The following MRPL28 variants were observed in gnomAD, a reference collection of about 807,000 sequenced individuals.
MRPL28 encodes mitochondrial ribosomal protein L28.
MRPL28 carries 25 observed loss-of-function variants against 26.2 expected under a neutral mutation model. The observed-to-expected ratio is 0.95, with a 90% CI of 0.69 to 1.33. The LOEUF (loss-of-function observed/expected upper bound fraction) is 1.33, where lower values mean the gene tolerates loss of function less well. Ranked by LOEUF, MRPL28 falls within the 40% of genes most tolerant of loss-of-function variation. The probability of loss-of-function intolerance (pLI) is 0.00; values close to 1 mark genes in which losing one functional copy is unlikely to be tolerated. For missense variants in MRPL28, 432 were observed against 327.2 expected, an observed-to-expected ratio of 1.32 and a Z score of -2.47; for synonymous variants, 227 against 140.1, an observed-to-expected ratio of 1.62 and a Z score of -4.38.
In MRPL28 at chr16:367,580, G is replaced by A. The variant is rs918392555; in HGVS notation, c.*95C>T. 1.8e-6 allele frequency: 2 copies of A among 1,108,552 alleles called. No individual in the cohort carries two copies. The highest frequency in any genetic ancestry group is 2.7e-6 in the Non-Finnish European group (2 of 741,798). 68.7% of individuals were successfully genotyped at this position (1,108,552 alleles called of 1,614,324 possible). ...ACCAGGATCCACCCACTGCCCACCGGTGGCCCTCACAGCTCCCCGGGATCT... is the reference window on the plus strand; with the variant it reads ...ACCAGGATCCACCCACTGCCCACCGATGGCCCTCACAGCTCCCCGGGATCT... On this transcript the variant is annotated 3_prime_UTR_variant, in exon 6 of 6. Transcript: ENST00000199706.
intron 5 of MRPL28, among the ~76,000 whole-genome samples, chr16:368,006 G>A (rs2054276369): frequency 6.6e-6 from 1 of 152,216 alleles, no homozygotes; most frequent in Admixed American, 6.5e-5. Flanking sequence ...AGGGAATAGG[G>A]GCAGCCAGCT....
chr16:367,370 C>T lies in MRPL28; in HGVS notation c.*305G>A, dbSNP rs769211766. 6 of 665,252 alleles carry T rather than the reference C, an allele frequency of 9.0e-6. No individual in the cohort carries two copies. Among genetic ancestry groups the T allele is most frequent in the Non-Finnish European group, 1.4e-5 (5 of 354,234 alleles). 41.2% of individuals were successfully genotyped at this position (665,252 alleles called of 1,614,324 possible). ...CAGGATCCCCAAAGAGAACACCAGT[C>T]CTCAAAGCAAAGATACACACACACA... On this transcript the variant is annotated 3_prime_UTR_variant, in exon 6 of 6. Coordinates refer to ENST00000199706, the MANE Select transcript of MRPL28 (RefSeq NM_006428.5).
In MRPL28 at chr16:369,612, T is replaced by A. The variant is rs969712762; in HGVS notation, c.288+319A>T. 8.4e-6 allele frequency: 6 copies of A among 716,822 alleles called. No individual in the cohort carries two copies. In the Admixed American group the frequency reaches 1.2e-4, roughly 14 times the overall value. The allele number at this position is 716,822 out of a possible 1,614,324, so 44.4% of individuals were successfully genotyped here. On this transcript the variant is annotated intron_variant, in intron 2 of 5. Coordinates refer to ENST00000199706, the MANE Select transcript of MRPL28 (RefSeq NM_006428.5). The stretch of plus-strand genomic sequence containing the variant: ...AAGCAGCCTCGAAGCTCTGCTCGCC[T>A]CCCCCACCTGCTCTGCTCGCCTCTC...
chr16:369,267 A>G (rs200810702), intron 2 of MRPL28, 47 bp from the exon 3 acceptor site: 4 of 1,478,282 alleles, frequency 2.7e-6, no homozygotes, highest in Non-Finnish European at 2.7e-6. Context: ...TTTCTCTTAC[A>G]TACCAAGGGG....
chr16:370,191 G>C lies in MRPL28; in HGVS notation c.28C>G (p.Leu10Val), dbSNP rs1216552183. The C allele has an allele frequency of 2.5e-6, 4 of 1,597,954 alleles. No homozygotes were observed. Among genetic ancestry groups the C allele is most frequent in the East Asian group, 2.2e-5 (1 of 44,540 alleles). Residue 10 changes from leucine (L) to valine (V), a missense_variant, in exon 2 of 6, where the codon CTC becomes GTC. By Grantham distance (32) the Leu-to-Val change is conservative (BLOSUM62 1). Coordinates refer to ENST00000199706, the MANE Select transcript of MRPL28 (RefSeq NM_006428.5). MPLHKYPVW[L>V]WKRLQLREGI... ...TCCCGCAGCTGCAGCCGCTTCCAGA[G>C]CCACACGGGATACTTGTGTAGAGGC...
rs1421417693 is a variant in MRPL28, at chr16:367,492, A to G, written c.*183T>C. On this transcript the variant is annotated 3_prime_UTR_variant, in exon 6 of 6. Transcript: ENST00000199706. ...CCTGAGAGGAGCCTCTGGGCGGCCC[A>G]GGCCTCCTGGGGATCCCTGCCAAGC... 2.8e-6 allele frequency: 2 copies of G among 722,872 alleles called. No homozygotes were observed. The highest frequency in any genetic ancestry group is 4.1e-5 in the Admixed American group (2 of 49,200). The allele number at this position is 722,872 out of a possible 1,614,324, so 44.8% of individuals were successfully genotyped here. A position where few individuals can be genotyped will look rare whatever the true frequency, so the allele number is the denominator to read the frequency against.
Position 370,139 on chromosome 16 carries a change from T to C in MRPL28, c.80A>G (p.His27Arg), listed in dbSNP as rs1028862896. The change falls in exon 2 of 6, where the codon CAC becomes CGC. Residue 27 changes from histidine (H) to arginine (R), a missense_variant. His to Arg is a conservative substitution (Grantham distance 29). Coordinates refer to ENST00000199706, the MANE Select transcript of MRPL28 (RefSeq NM_006428.5). The stretch of plus-strand genomic sequence containing the variant: ...CTCCTCCTCCAGGGAGCGCAGGTAG[T>C]GGCCGGGCAGGCGGGAACAGATGCC... ...REGICSRLPG[H>R]YLRSLEEERT... The C allele has an allele frequency of 6.2e-7, 1 of 1,605,832 alleles. No homozygotes were observed. The highest frequency in any genetic ancestry group is 1.3e-5 in the African/African-American group (1 of 74,684).
chr16:367,551 C>A lies in MRPL28; in HGVS notation c.*124G>T. 1 of 902,258 alleles carries A rather than the reference C, an allele frequency of 1.1e-6. No individual in the cohort carries two copies. The highest frequency in any genetic ancestry group is 1.8e-6 in the Non-Finnish European group (1 of 562,694). 55.9% of individuals were successfully genotyped at this position (902,258 alleles called of 1,614,324 possible). ...GGCTGGAAGGTGCATGGGCAGCACA[C>A]GAAACCAGGATCCACCCACTGCCCA... On this transcript the variant is annotated 3_prime_UTR_variant, in exon 6 of 6. Transcript: ENST00000199706.
rs1011831587 is a variant in MRPL28 at position 367,153 on chromosome 16, C to G, written c.*522G>C. On this transcript the variant is annotated 3_prime_UTR_variant, in exon 6 of 6. Coordinates refer to ENST00000199706, the MANE Select transcript of MRPL28 (RefSeq NM_006428.5). ...TCTGGAGGTGGAGGTTGTAGTGAGT[C>G]CAGATCGTGCCACTGCACTCCAGCC... Among the ~76,000 whole-genome samples the G allele has an allele frequency of 1.3e-5, 2 of 152,154 alleles. No individual in the cohort carries two copies. The highest frequency in any genetic ancestry group is 4.1e-4 in the South Asian group (2 of 4,828).
At chr16:368,182 TGGGTGG>T in intron 5 of MRPL28, 140 bp downstream of exon 5, 1 of 936,704 alleles carries the variant, frequency 1.1e-6, no homozygotes, top group Non-Finnish European at 1.6e-6. Flanking sequence ...CATGCTCCTC[TGGGTGG>T]GCAATGCAGA....
chr16:368,853 G>C, intron 3 of MRPL28: 1 of 979,478 alleles, frequency 1.0e-6, no homozygotes, highest in Non-Finnish European at 1.5e-6. Flanking sequence ...CAGGCCCCAC[G>C]GGCAAGTCAG....
Position 370,189 on chromosome 16 carries a change from G to C in MRPL28, c.30C>G (p.Leu10=), listed in dbSNP as rs533493367. The change falls in exon 2 of 6, where the codon CTC becomes CTG. Residue 10 remains leucine (L), a synonymous_variant. Transcript: ENST00000199706. MPLHKYPVW[L]WKRLQLREGI... ...CCTCCCGCAGCTGCAGCCGCTTCCAGAGCCACACGGGATACTTGTGTAGAG... is the reference window on the plus strand; with the variant it reads ...CCTCCCGCAGCTGCAGCCGCTTCCACAGCCACACGGGATACTTGTGTAGAG... The C allele has an allele frequency of 9.4e-6, 15 of 1,598,078 alleles. No homozygotes were observed. Among genetic ancestry groups the C allele is most frequent in the Non-Finnish European group, 1.2e-5 (14 of 1,176,890 alleles).
chr16:369,402 C>T (rs1440209793), intron 2 of MRPL28, 182 bp from the exon 3 acceptor site: 2 of 717,302 alleles, frequency 2.8e-6, no homozygotes, highest in African/African-American at 1.8e-5. Context: ...CGACCCGGGT[C>T]CTGACTGTGT....
rs1280283075 is a variant in MRPL28 at position 367,688 on chromosome 16, G to A, written c.758C>T (p.Ala253Val). 1 of 1,613,590 alleles carries A rather than the reference G, an allele frequency of 6.2e-7. No homozygotes were observed. The highest frequency in any genetic ancestry group is 2.2e-5 in the East Asian group (1 of 44,892). ...LSEPAVVQKR[A>V]SGQ ...GGAGCTGTGTGGTCACTGGCCACTG[G>A]CTCTCTTCTGCACCACCGCCGGCTC... Residue 253 changes from alanine (A) to valine (V), a missense_variant, in exon 6 of 6, where the codon GCC (alanine) becomes GTC (valine). Coordinates refer to ENST00000199706, the MANE Select transcript of MRPL28 (RefSeq NM_006428.5).
Position 369,090 on chromosome 16 carries a change from C to G in MRPL28, c.419G>C (p.Gly140Ala). 1 of 1,613,874 alleles carries G rather than the reference C, an allele frequency of 6.2e-7. No individual in the cohort carries two copies. The highest frequency in any genetic ancestry group is 8.5e-7 in the Non-Finnish European group (1 of 1,179,930). Residue 140 changes from glycine (G) to alanine (A), a missense_variant, in exon 3 of 6, where the codon GGG (glycine) becomes GCG (alanine). Physicochemically the swap from Gly to Ala is moderately conservative, Grantham distance 60. Transcript: ENST00000199706. ...TGCCTTGAGGATGTAAAAGTCGAGC[C>G]CATAAGCCTCATCGATGAGGTCCAG... ...RTLDLIDEAY[G>A]LDFYILKTPK...
At position 367,362 on chromosome 16, in the gene MRPL28, A is replaced by G; in HGVS notation, c.*313T>C. 1.5e-6 allele frequency: 1 copy of G among 655,274 alleles called. No homozygotes were observed. The highest frequency in any genetic ancestry group is 2.9e-6 in the Non-Finnish European group (1 of 348,674). 40.6% of individuals were successfully genotyped at this position (655,274 alleles called of 1,614,324 possible). A position where few individuals can be genotyped will look rare whatever the true frequency, so the allele number is the denominator to read the frequency against. ...GACAGGATCAGGATCCCCAAAGAGAACACCAGTCCTCAAAGCAAAGATACA... is the reference window on the plus strand; with the variant it reads ...GACAGGATCAGGATCCCCAAAGAGAGCACCAGTCCTCAAAGCAAAGATACA... On this transcript the variant is annotated 3_prime_UTR_variant, in exon 6 of 6. Transcript: ENST00000199706.
Position 370,076 on chromosome 16 carries a change from GC to G in MRPL28, c.142del (p.Ala48ProfsTer54). ...GTTCTTGGGGTTGATCTTGAACTTG[GC>G]CCCATGAGGCCTATAGTGCACGGGA... ...PTPVHYRPHG[A>X]KFKINPKNGQ... On this transcript the variant is annotated frameshift_variant, in exon 2 of 6. Transcript: ENST00000199706. LOFTEE classifies it high-confidence loss of function. 6.2e-7 allele frequency: 1 copy of G among 1,612,388 alleles called. No individual in the cohort carries two copies. Among genetic ancestry groups the G allele is most frequent in the South Asian group, 1.1e-5 (1 of 91,004 alleles).
chr16:367,913 G>A (rs1022251651), intron 5 of MRPL28, 131 bp from the exon 6 acceptor site: 33 of 705,424 alleles, frequency 4.7e-5, no homozygotes, highest in Middle Eastern at 2.6e-4. Context: ...GAGTCCTGTC[G>A]GTGAGATGAG....
Position 367,709 on chromosome 16 carries a change from G to A in MRPL28, c.737C>T (p.Pro246Leu), listed in dbSNP as rs745383593. 2.5e-5 allele frequency: 40 copies of A among 1,613,742 alleles called. No homozygotes were observed. The highest frequency in any genetic ancestry group is 1.1e-4 in the African/African-American group (8 of 74,936). ...ACTGGCTCTCTTCTGCACCACCGCC[G>A]GCTCTGACAGTGCCTGCTGCTGCAG... ...QQLQQQALSE[P>L]AVVQKRASGQ The change falls in exon 6 of 6, where the codon CCG becomes CTG. Residue 246 changes from proline (P) to leucine (L), a missense_variant. Coordinates refer to ENST00000199706, the MANE Select transcript of MRPL28 (RefSeq NM_006428.5).
Sources: allele counts gnomAD v4.1 joint callset (sites outside exome capture counted in the v4.1 genomes callset), GRCh38; gene constraint gnomAD v4.1.1; transcripts MANE v1.5; gene names NCBI Gene and HGNC (gene_info 2026-07-23, HGNC 2026-07-21).